The following CC2D1A variants were observed in gnomAD, a reference collection of about 807,000 sequenced individuals.
CC2D1A encodes the protein coiled-coil and C2 domain-containing protein 1A.
A neutral mutation model predicts 123.8 loss-of-function variants in CC2D1A; 68 were observed. The observed-to-expected ratio is 0.55, with a 90% CI of 0.45 to 0.67. The LOEUF (loss-of-function observed/expected upper bound fraction) is 0.67. Ranked by LOEUF, CC2D1A falls within the 30% of genes least tolerant of loss-of-function variation. CC2D1A has a pLI of 0.00. For missense variants in CC2D1A, 1,185 were observed against 1,290.3 expected (o/e 0.92, Z 1.25); for synonymous variants, 477 against 528.0 (o/e 0.90, Z 1.32).
intron 1 of CC2D1A, 149 bp from the exon 2 acceptor site, chr19:13,909,674 C>A: frequency 9.8e-7 from 1 of 1,021,298 alleles, no homozygotes; most frequent in Non-Finnish European, 1.5e-6. Context: ...CTGTTCTGGG[C>A]TTGTTCCAGC....
chr19:13,922,254 G>T (rs747248965), intron 14 of CC2D1A, among the ~76,000 whole-genome samples: 2 of 151,998 alleles, frequency 1.3e-5, no homozygotes, highest in African/African-American at 4.8e-5. Context: ...CACCTGCCTC[G>T]ACCTCCCAAA....
In CC2D1A at chr19:13,928,149, C is replaced by T. The variant is rs201620841; in HGVS notation, c.2480C>T (p.Ala827Val). 280 of 1,613,168 alleles carry T rather than the reference C, an allele frequency of 1.7e-4. No individual in the cohort carries two copies. Among genetic ancestry groups the T allele is most frequent in the Non-Finnish European group, 1.7e-4 (196 of 1,179,954 alleles). The stretch of plus-strand genomic sequence containing the variant: ...CAGGTTGCTGGGCCCAAAGGGAAGG[C>T]CCCTCCTGTGCCTGCCCCTGCAAGG... ...PTQVAGPKGK[A>V]PPVPAPARES... The change falls in exon 24 of 29, where the codon GCC (alanine) becomes GTC (valine). Residue 827 changes from alanine to valine, a missense_variant. Coordinates refer to ENST00000318003, the MANE Select transcript of CC2D1A (RefSeq NM_017721.5).
rs780091723 is a variant in CC2D1A, at chr19:13,929,404, A to G, written c.2545A>G (p.Ser849Gly). 6.2e-7 allele frequency: 1 copy of G among 1,613,246 alleles called. No individual in the cohort carries two copies. Among genetic ancestry groups the G allele is most frequent in the African/African-American group, 1.3e-5 (1 of 74,780 alleles). Residue 849 changes from serine to glycine, a missense_variant, in exon 25 of 29, where the codon AGT (serine) becomes GGT (glycine). By Grantham distance (56) the Ser-to-Gly change is moderately conservative. Coordinates refer to ENST00000318003, the MANE Select transcript of CC2D1A (RefSeq NM_017721.5). ...ATCAGCCCGGCCCCTGCATAGCCTC[A>G]GTGTGCTGGCGTTTGACCAAGAGCG... Reference protein sequence around the residue: ...NRSARPLHSLSVLAFDQERLE... With the variant: ...NRSARPLHSLGVLAFDQERLE...
At position 13,906,932 on chromosome 19, in the gene CC2D1A, A is replaced by T. The variant is rs562131565; in HGVS notation, c.60+431A>T. 3.4e-3 allele frequency among the ~76,000 whole-genome samples: 517 copies of T among 152,314 alleles called. 3 individuals are homozygous for T. The highest frequency in any genetic ancestry group is 4.4e-3 in the Non-Finnish European group (297 of 68,030). On this transcript the variant is annotated intron_variant, in intron 1 of 28. Coordinates refer to ENST00000318003, the MANE Select transcript of CC2D1A (RefSeq NM_017721.5). This position sits in a 1 kb window ranked among gnomAD's most constrained non-coding sequence, Gnocchi z 4.1. Reference sequence around the variant, plus strand: ...AGGGCTGCAGCCATAAGCTTATGGCACTGTGGCTGGACCCCTTCTCACTCT... The same window carrying T: ...AGGGCTGCAGCCATAAGCTTATGGCTCTGTGGCTGGACCCCTTCTCACTCT...
chr19:13,922,915 G>A (rs1361963891), intron 14 of CC2D1A, among the ~76,000 whole-genome samples: 1 of 152,200 alleles, frequency 6.6e-6, no homozygotes, highest in Non-Finnish European at 1.5e-5. Flanking sequence ...AACAGAGGCC[G>A]GGCATGGTCT....
At chr19:13,920,299 C>T (rs564008923) in intron 12 of CC2D1A, 31 of 530,094 alleles carry the variant, frequency 5.8e-5, no homozygotes, top group African/African-American at 4.0e-4. Context: ...TTGCTTGAAC[C>T]GGGAGGCAGA....
chr19:13,906,228 G>C lies in CC2D1A; in HGVS notation c.-214G>C, dbSNP rs938004290. ...AGTTTCGGCTCGGCAGACCCGGCGA[G>C]CCCAGTGGCCGCGCTCCGGTGCGGC... On this transcript the variant is annotated 5_prime_UTR_variant, in exon 1 of 29. Coordinates refer to ENST00000318003, the MANE Select transcript of CC2D1A (RefSeq NM_017721.5). The surrounding 1 kb of genome is among the most constrained non-coding windows in gnomAD (Gnocchi z 4.1). 2 of 444,894 alleles carry C rather than the reference G, an allele frequency of 4.5e-6. No homozygotes were observed. Among genetic ancestry groups the C allele is most frequent in the African/African-American group, 4.1e-5 (2 of 48,550 alleles). 27.6% of individuals were successfully genotyped at this position (444,894 alleles called of 1,614,324 possible). A position where few individuals can be genotyped will look rare whatever the true frequency, so the allele number is the denominator to read the frequency against.
intron 6 of CC2D1A, among the ~76,000 whole-genome samples, 182 bp from the exon 7 acceptor site, chr19:13,917,888 T>G (rs550043341): frequency 1.3e-5 from 2 of 151,704 alleles, no homozygotes; most frequent in South Asian, 4.2e-4. Flanking sequence ...GGAGAATCAC[T>G]TGAACCCAGG....
At position 13,906,627 on chromosome 19, in the gene CC2D1A, C is replaced by G. The variant is rs552518039; in HGVS notation, c.60+126C>G. The stretch of plus-strand genomic sequence containing the variant: ...ACAGGTAAGCCCCGGTCCCCGCCTC[C>G]CCCCAGGTGAGGCTCCAACACCACC... On this transcript the variant is annotated intron_variant, in intron 1 of 28. Transcript: ENST00000318003. This position sits in a 1 kb window ranked among gnomAD's most constrained non-coding sequence, Gnocchi z 4.1. The G allele has an allele frequency of 2.1e-5, 12 of 564,564 alleles. No individual in the cohort carries two copies. The African/African-American group carries it at 2.4e-4, about 11-fold the overall frequency. The allele number at this position is 564,564 out of a possible 1,614,324, so 35.0% of individuals were successfully genotyped here.
At chr19:13,929,088 C>T (rs1200571214) in intron 24 of CC2D1A, among the ~76,000 whole-genome samples, 1 of 151,204 alleles carries the variant, frequency 6.6e-6, no homozygotes, top group Non-Finnish European at 1.5e-5. Flanking sequence ...ATTGCAACCT[C>T]CAGCTCCCAG....
At chr19:13,926,452 G>C (rs952679645) in intron 17 of CC2D1A, 65 bp from the exon 18 acceptor site, 1 of 1,474,470 alleles carries the variant, frequency 6.8e-7, no homozygotes, top group African/African-American at 1.4e-5. Flanking sequence ...GAAGGCAGGC[G>C]GGCAGTGGGA....
chr19:13,927,514 C>A, intron 22 of CC2D1A: 1 of 524,718 alleles, frequency 1.9e-6, no homozygotes, highest in Non-Finnish European at 3.4e-6. Context: ...CATGGTGGCT[C>A]ATGCCTGTAA....
intron 14 of CC2D1A, 111 bp downstream of exon 14, chr19:13,921,033 A>G: frequency 9.8e-7 from 1 of 1,019,656 alleles, no homozygotes; most frequent in Non-Finnish European, 1.4e-6. Flanking sequence ...CTGCTGTAAC[A>G]AATAGGTCCT....
chr19:13,929,716 G>C (rs1263395529), intron 26 of CC2D1A, 56 bp downstream of exon 26: 6 of 1,251,242 alleles, frequency 4.8e-6, no homozygotes, highest in East Asian at 2.7e-5. Flanking sequence ...TAGGCATGGG[G>C]GGGGAGGTGC....
intron 11 of CC2D1A, chr19:13,919,608 C>T: frequency 2.4e-6 from 1 of 416,134 alleles, no homozygotes. Context: ...TGTGGTGGTG[C>T]ACACCTGCAG....
At chr19:13,910,984 G>A (rs543110309) in intron 2 of CC2D1A, among the ~76,000 whole-genome samples, 11 of 152,056 alleles carry the variant, frequency 7.2e-5, no homozygotes, top group African/African-American at 2.6e-4. Flanking sequence ...CAAAGTTAAT[G>A]AATGAACGAT....
At chr19:13,926,420 C>T (rs994045572) in intron 17 of CC2D1A, 97 bp from the exon 18 acceptor site, 280 of 1,164,136 alleles carry the variant, frequency 2.4e-4, no homozygotes, top group Non-Finnish European at 3.3e-4. Flanking sequence ...GGGGTTTGTT[C>T]CCTGCCCCCA....
intron 10 of CC2D1A, 23 bp from the exon 11 acceptor site, chr19:13,919,107 C>T: frequency 6.2e-7 from 1 of 1,608,808 alleles, no homozygotes; most frequent in South Asian, 1.1e-5. Context: ...CACAGGCAGC[C>T]CTAACACCTG....
At position 13,930,500 on chromosome 19, in the gene CC2D1A, C is replaced by T. The variant is rs543744104; in HGVS notation, c.*105C>T. On this transcript the variant is annotated 3_prime_UTR_variant, in exon 29 of 29. Coordinates refer to ENST00000318003, the MANE Select transcript of CC2D1A (RefSeq NM_017721.5). The surrounding 1 kb of genome is among the most constrained non-coding windows in gnomAD (Gnocchi z 6.8). The stretch of plus-strand genomic sequence containing the variant: ...GACAAGCAGACAATCAGCGGACAAT[C>T]GGTTCTGGACTCACCCCTCATCCGG... The T allele has an allele frequency of 1.0e-4, 135 of 1,292,270 alleles. No homozygotes were observed. Among genetic ancestry groups the T allele is most frequent in the Non-Finnish European group, 6.5e-5 (62 of 959,782 alleles). The allele number at this position is 1,292,270 out of a possible 1,614,324, so 80.1% of individuals were successfully genotyped here. A position where few individuals can be genotyped will look rare whatever the true frequency, so the allele number is the denominator to read the frequency against.
Sources: allele counts gnomAD v4.1 joint callset (sites outside exome capture counted in the v4.1 genomes callset), GRCh38; gene constraint gnomAD v4.1.1; non-coding constraint Gnocchi (gnomAD v3.1); transcripts MANE v1.5; gene names NCBI Gene and HGNC (gene_info 2026-07-23, HGNC 2026-07-21).